The following ADAMTS17 variants were observed in gnomAD, a reference collection of about 807,000 sequenced individuals.
ADAMTS17 encodes A disintegrin and metalloproteinase with thrombospondin motifs 17.
In ADAMTS17, 113 loss-of-function variants were observed where a neutral mutation model predicts 141.5. That is an observed-to-expected ratio of 0.80 (90% CI 0.69 to 0.93). The LOEUF is 0.93. ADAMTS17 is among the 40% of genes least tolerant of loss of function. The pLI is 0.00. For missense variants in ADAMTS17, 1,659 were observed against 1,517.9 expected (o/e 1.09, Z -1.54); for synonymous variants, 768 against 630.6 (o/e 1.22, Z -3.27).
At chr15:100,085,592 A>G (rs2035046646) in intron 15 of ADAMTS17, among the ~76,000 whole-genome samples, 1 of 152,096 alleles carries the variant, frequency 6.6e-6, no homozygotes, top group African/African-American at 2.4e-5. Context: ...GCAGCCAGAG[A>G]GAAAGGTCGG....
In ADAMTS17 at chr15:100,330,978, C is replaced by G. The variant is rs762704060; in HGVS notation, c.527G>C (p.Arg176Pro). ...CCATTTGCGCCTGATCAGATGTTCT[C>G]GTCCACTGAATGGGCCCTGGGAGTT... The part of the protein sequence containing the change: ...LNNSQGPFSG[R>P]EHLIRRKWSL... The change falls in exon 3 of 22, where the codon CGA becomes CCA. Residue 176 changes from arginine (R) to proline (P), a missense_variant. Arg to Pro is a moderately radical substitution (Grantham distance 103). Coordinates refer to ENST00000268070, the MANE Select transcript of ADAMTS17 (RefSeq NM_139057.4). The G allele has an allele frequency of 1.2e-6, 2 of 1,614,014 alleles. No homozygotes were observed. Among genetic ancestry groups the G allele is most frequent in the South Asian group, 2.2e-5 (2 of 91,086 alleles).
Position 100,199,383 on chromosome 15 carries a change from C to T in ADAMTS17, c.1116G>A (p.Lys372=), listed in dbSNP as rs2141635271. The change falls in exon 8 of 22, where the codon AAG becomes AAA. Residue 372 remains lysine (K), a synonymous_variant. Transcript: ENST00000268070. Reference sequence around the variant, plus strand: ...GACCATTGTCTTCGGCAAGCACACACTTCCTCTTAGCACTGCACACACCTC... The same window carrying T: ...GACCATTGTCTTCGGCAAGCACACATTTCCTCTTAGCACTGCACACACCTC... The part of the protein sequence containing the change: ...YLGGVCSAKR[K]CVLAEDNGLN... The T allele has an allele frequency of 1.2e-6, 2 of 1,614,224 alleles. No homozygotes were observed. Among genetic ancestry groups the T allele is most frequent in the Non-Finnish European group, 1.7e-6 (2 of 1,180,038 alleles).
rs147042583 is a variant in ADAMTS17, at chr15:100,271,790, C to G, written c.790-9355G>C. On this transcript the variant is annotated intron_variant, in intron 4 of 21. Transcript: ENST00000268070. ...GCTGCCTGTGCTTTTGGTGTTGTAT[C>G]CAAGAAATCACTGCCAAATCAAATC... 1.7e-3 allele frequency among the ~76,000 whole-genome samples: 263 copies of G among 152,206 alleles called. 1 individual carries two copies. The highest frequency in any genetic ancestry group is 6.1e-3 in the African/African-American group (254 of 41,530).
At chr15:100,267,119 A>G (rs1341588800) in intron 4 of ADAMTS17, among the ~76,000 whole-genome samples, 1 of 152,062 alleles carries the variant, frequency 6.6e-6, no homozygotes, top group South Asian at 2.1e-4. Context: ...TCATCCTCCA[A>G]TACCGAAGCT....
At chr15:100,168,003 G>T (rs753377266) in intron 8 of ADAMTS17, among the ~76,000 whole-genome samples, 4 of 152,166 alleles carry the variant, frequency 2.6e-5, no homozygotes, top group Non-Finnish European at 5.9e-5. Context: ...AGAAAGTGGC[G>T]AAGCCGTGTA....
chr15:100,008,132 C>T (rs879915795), intron 18 of ADAMTS17, among the ~76,000 whole-genome samples: 3 of 152,070 alleles, frequency 2.0e-5, no homozygotes, highest in Non-Finnish European at 4.4e-5. Context: ...GGTCCCAATG[C>T]CTCTTAAGAA....
At position 100,059,297 on chromosome 15, in the gene ADAMTS17, C is replaced by T. The variant is rs140650679; in HGVS notation, c.2138-5243G>A. Among the ~76,000 whole-genome samples the T allele has an allele frequency of 8.6e-3, 1,310 of 152,374 alleles. 6 individuals are homozygous for T. Among genetic ancestry groups the T allele is most frequent in the Non-Finnish European group, 0.012 (816 of 68,038 alleles). On this transcript the variant is annotated intron_variant, in intron 15 of 21. Transcript: ENST00000268070. ...CTGCCTGTGGCCATCGCCGCAGTGG[C>T]TGCAAGTTCTGGCGCACTGCAAATG...
At chr15:100,101,031 C>A (rs540861853) in intron 14 of ADAMTS17, among the ~76,000 whole-genome samples, 1 of 152,116 alleles carries the variant, frequency 6.6e-6, no homozygotes, top group Admixed American at 6.5e-5. Context: ...TAGCTAAGAT[C>A]GCTTCACTCC....
At chr15:100,043,053 T>G (rs1357001010) in intron 18 of ADAMTS17, among the ~76,000 whole-genome samples, 2 of 152,230 alleles carry the variant, frequency 1.3e-5, no homozygotes, top group East Asian at 1.9e-4. Context: ...CAAAATCTAT[T>G]ATCAGATCAT....
At chr15:100,085,298 G>C (rs540352939) in intron 15 of ADAMTS17, among the ~76,000 whole-genome samples, 1 of 151,538 alleles carries the variant, frequency 6.6e-6, no homozygotes, top group Admixed American at 6.6e-5. Flanking sequence ...AGAGAAAAAA[G>C]AATACAAAGA....
chr15:100,289,527 C>T (rs2044558681), intron 3 of ADAMTS17, among the ~76,000 whole-genome samples: 1 of 136,094 alleles, frequency 7.3e-6, no homozygotes, highest in Non-Finnish European at 1.6e-5. Flanking sequence ...TGCAGACACA[C>T]ACATACACAC....
chr15:100,002,502 G>A (rs991746916), intron 18 of ADAMTS17, among the ~76,000 whole-genome samples: 3 of 152,044 alleles, frequency 2.0e-5, no homozygotes, highest in Admixed American at 2.0e-4. Flanking sequence ...CACACTGGGG[G>A]GACGAGGGAA....
chr15:100,187,239 C>G (rs2040751758), intron 8 of ADAMTS17, among the ~76,000 whole-genome samples: 1 of 152,198 alleles, frequency 6.6e-6, no homozygotes, highest in Non-Finnish European at 1.5e-5. Context: ...TCAGCGTGCC[C>G]ACTGTGTTCA....
At chr15:100,041,882 G>A (rs950790144) in intron 18 of ADAMTS17, among the ~76,000 whole-genome samples, 1 of 152,142 alleles carries the variant, frequency 6.6e-6, no homozygotes, top group African/African-American at 2.4e-5. Flanking sequence ...GAGAAATAAA[G>A]GAAAGTATAA....
chr15:100,102,047 G>A (rs749957084), intron 14 of ADAMTS17, among the ~76,000 whole-genome samples: 7 of 152,314 alleles, frequency 4.6e-5, no homozygotes, highest in East Asian at 1.9e-4. Context: ...CAGAACGCAT[G>A]CATGGAAAAT....
chr15:100,179,518 T>C (rs906758463), intron 8 of ADAMTS17, among the ~76,000 whole-genome samples: 1 of 152,248 alleles, frequency 6.6e-6, no homozygotes, highest in Non-Finnish European at 1.5e-5. Flanking sequence ...CGAGTGCAGA[T>C]ATCTCTTTGA....
At position 100,108,173 on chromosome 15, in the gene ADAMTS17, CT is replaced by C. The variant is rs34882001; in HGVS notation, c.2016+815del. 2.8e-3 allele frequency among the ~76,000 whole-genome samples: 410 copies of C among 147,124 alleles called. 4 individuals are homozygous for C. Among genetic ancestry groups the C allele is most frequent in the African/African-American group, 7.5e-3 (290 of 38,578 alleles). On this transcript the variant is annotated intron_variant, in intron 14 of 21. Transcript: ENST00000268070. The stretch of plus-strand genomic sequence containing the variant: ...AGCTTCCTTCCTTCTTCTCGCATTC[CT>C]TTTTTTTTTCCCCCCGAGACGGAGT...
chr15:100,002,418 C>T (rs892846634), intron 18 of ADAMTS17, among the ~76,000 whole-genome samples: 15 of 152,012 alleles, frequency 9.9e-5, no homozygotes, highest in African/African-American at 3.4e-4. Flanking sequence ...TGGCCATTCC[C>T]AGCACGTGAC....
intron 15 of ADAMTS17, among the ~76,000 whole-genome samples, chr15:100,094,448 C>A (rs573660413): frequency 6.6e-6 from 1 of 152,312 alleles, no homozygotes; most frequent in East Asian, 1.9e-4. Context: ...CTGCCTAGGT[C>A]AAATCAAGGG....
Sources: allele counts gnomAD v4.1 joint callset (sites outside exome capture counted in the v4.1 genomes callset), GRCh38; gene constraint gnomAD v4.1.1; transcripts MANE v1.5; gene names NCBI Gene and HGNC (gene_info 2026-07-23, HGNC 2026-07-21).